VGLL4: variants seen among roughly 807,000 people sequenced by gnomAD.
VGLL4 encodes vestigial like family member 4.
VGLL4 carries 7 observed loss-of-function variants against 21.0 expected under a neutral mutation model. The observed-to-expected ratio is 0.33, with a 90% CI of 0.19 to 0.63. The LOEUF is 0.63. Ranked by LOEUF, VGLL4 falls within the 20% of genes least tolerant of loss-of-function variation. The pLI is 0.78. For synonymous variants in VGLL4, 222 were observed against 173.2 expected (o/e 1.28, Z -2.21); for missense variants, 394 against 425.7 (o/e 0.93, Z 0.66).
intron 1 of VGLL4, among the ~76,000 whole-genome samples, chr3:11,718,606 A>ATTT (rs147330107): frequency 2.7e-5 from 4 of 150,520 alleles, no homozygotes; most frequent in African/African-American, 9.7e-5. Context: ...AGGCAAATTA[A>ATTT]TTTTTTTTTT....
chr3:11,684,634 G>A (rs1175945215), intron 2 of VGLL4, among the ~76,000 whole-genome samples: 1 of 151,946 alleles, frequency 6.6e-6, no homozygotes, highest in East Asian at 1.9e-4. Flanking sequence ...GACCACCTCA[G>A]CCTCTCAAAG....
chr3:11,564,573 C>T (rs767964655), intron 3 of VGLL4, among the ~76,000 whole-genome samples: 3 of 151,962 alleles, frequency 2.0e-5, no homozygotes, highest in Admixed American at 2.0e-4. Context: ...AGGCAAGGCC[C>T]GGGCAGGTCT....
rs1439934700 is a variant in VGLL4, at chr3:11,693,584, C to G, written c.64+9387G>C. Among the ~76,000 whole-genome samples, 8 of 152,286 alleles carry G rather than the reference C, an allele frequency of 5.3e-5. No individual in the cohort carries two copies. The South Asian group carries it at 1.0e-3, about 20-fold the overall frequency. The stretch of plus-strand genomic sequence containing the variant: ...AGTGGGATCTCGTTACCTGGGGAAG[C>G]AGCCCTTTTCCCCTGAATCAGTTCC... On this transcript the variant is annotated intron_variant, in intron 2 of 5. Transcript: ENST00000273038.
intron 2 of VGLL4, among the ~76,000 whole-genome samples, chr3:11,590,608 T>C (rs751725709): frequency 3.3e-5 from 5 of 152,060 alleles, no homozygotes; most frequent in African/African-American, 9.7e-5. Context: ...TACTGCAACA[T>C]TAAGCCCTCT....
chr3:11,684,730 C>CTGTGTGTGTG (rs61220485), intron 2 of VGLL4, among the ~76,000 whole-genome samples: 44,478 of 148,538 alleles, frequency 0.3, 6,804 homozygotes, highest in Non-Finnish European at 0.35. Context: ...CAACCTTTTT[C>CTGTGTGTGTG]TGTGTGTGTG....
At chr3:11,695,985 T>C (rs2076601827) in intron 2 of VGLL4, among the ~76,000 whole-genome samples, 1 of 152,192 alleles carries the variant, frequency 6.6e-6, no homozygotes, top group African/African-American at 2.4e-5. Context: ...TTTTCTAAAG[T>C]GCAACTTTAC....
At chr3:11,692,289 T>C (rs148650896) in intron 2 of VGLL4, among the ~76,000 whole-genome samples, 480 of 152,290 alleles carry the variant, frequency 3.2e-3, no homozygotes, top group African/African-American at 6.7e-3. Context: ...TATAAAACTA[T>C]AAAAATAGCA....
intron 1 of VGLL4, among the ~76,000 whole-genome samples, chr3:11,615,810 A>T (rs1185706821): frequency 2.0e-5 from 3 of 152,222 alleles, no homozygotes; most frequent in African/African-American, 4.8e-5. Flanking sequence ...TACAAAACAC[A>T]TTGAAAGAAA....
chr3:11,611,369 G>A (rs1439282445), intron 1 of VGLL4, among the ~76,000 whole-genome samples: 8 of 152,158 alleles, frequency 5.3e-5, no homozygotes, highest in Non-Finnish European at 8.8e-5. Context: ...GCGAGGATAT[G>A]GGAGAAGAGA....
intron 2 of VGLL4, among the ~76,000 whole-genome samples, chr3:11,680,670 C>A (rs900019074): frequency 3.9e-5 from 6 of 152,204 alleles, no homozygotes; most frequent in African/African-American, 1.4e-4. Flanking sequence ...AAAACGTGCA[C>A]GACTCACTCC....
At chr3:11,677,097 T>C (rs1575521953) in intron 2 of VGLL4, among the ~76,000 whole-genome samples, 1 of 152,220 alleles carries the variant, frequency 6.6e-6, no homozygotes, top group Non-Finnish European at 1.5e-5. Context: ...TTTTGGTTGT[T>C]TTCAGTATTT....
intron 1 of VGLL4, among the ~76,000 whole-genome samples, chr3:11,626,141 TAA>T (rs2075348493): frequency 6.6e-6 from 1 of 152,056 alleles, no homozygotes; most frequent in Admixed American, 6.5e-5. Context: ...CTGGAGAGAG[TAA>T]ATATGGTGGC....
chr3:11,705,191 G>A (rs17035092), intron 1 of VGLL4, among the ~76,000 whole-genome samples: 4,691 of 152,280 alleles, frequency 0.031, 241 homozygotes, highest in East Asian at 0.18. Context: ...TGCGTTCTGG[G>A]CAAGTTATCC....
At chr3:11,683,149 C>A (rs540536487) in intron 2 of VGLL4, among the ~76,000 whole-genome samples, 204 of 152,112 alleles carry the variant, frequency 1.3e-3, no homozygotes, top group Non-Finnish European at 2.2e-3. Context: ...ATTGCTTGAA[C>A]CTGGGAAGCG....
intron 2 of VGLL4, among the ~76,000 whole-genome samples, chr3:11,676,413 A>AAT (rs1553742912): frequency 1.5e-3 from 72 of 46,932 alleles, no homozygotes; most frequent in African/African-American, 3.5e-3. Context: ...AAAAAAAATA[A>AAT]AATAATAATA....
intron 2 of VGLL4, among the ~76,000 whole-genome samples, chr3:11,567,885 G>A (rs368638798): frequency 6.6e-6 from 1 of 152,220 alleles, no homozygotes; most frequent in Non-Finnish European, 1.5e-5. Flanking sequence ...CCCAGGTGAT[G>A]CTTCCACGGG....
intron 1 of VGLL4, chr3:11,626,350 C>T (rs754462414): frequency 2.2e-5 from 10 of 456,750 alleles, no homozygotes; most frequent in South Asian, 1.4e-4. Flanking sequence ...CAAAACAAAA[C>T]AAGTACCTGT....
intron 3 of VGLL4, among the ~76,000 whole-genome samples, chr3:11,563,609 TTGAAA>T (rs2073235586): frequency 6.6e-6 from 1 of 152,128 alleles, no homozygotes; most frequent in Non-Finnish European, 1.5e-5. Flanking sequence ...TCGTAAAACG[TTGAAA>T]TGAACAGCAG....
In VGLL4 at chr3:11,565,632, G is replaced by T. The variant is rs974650228; in HGVS notation, c.273-613C>A. On this transcript the variant is annotated intron_variant, in intron 2 of 4. Coordinates refer to ENST00000430365, the MANE Select transcript of VGLL4 (RefSeq NM_001128219.3). The surrounding 1 kb of genome is among the most constrained non-coding windows in gnomAD (Gnocchi z 4.1). Reference sequence around the variant, plus strand: ...CGTGCTCTGGGGTTCCCGGGGTGCTGTAGGGAGCCGGCGCGCAGCTCTCTC... The same window carrying T: ...CGTGCTCTGGGGTTCCCGGGGTGCTTTAGGGAGCCGGCGCGCAGCTCTCTC... 3.3e-5 allele frequency among the ~76,000 whole-genome samples: 5 copies of T among 152,226 alleles called. No individual in the cohort carries two copies. The highest frequency in any genetic ancestry group is 5.9e-5 in the Non-Finnish European group (4 of 68,052).
Sources: allele counts gnomAD v4.1 joint callset (sites outside exome capture counted in the v4.1 genomes callset), GRCh38; gene constraint gnomAD v4.1.1; non-coding constraint Gnocchi (gnomAD v3.1); transcripts MANE v1.5; gene names NCBI Gene and HGNC (gene_info 2026-07-23, HGNC 2026-07-21).